The following IRF6 variants were observed in gnomAD, a reference collection of about 807,000 sequenced individuals.
The protein encoded by IRF6 is Van der Woude syndrome.
In IRF6, 6 loss-of-function variants were observed where a neutral mutation model predicts 51.4. The ratio of observed to expected loss-of-function variants is 0.12; its 90% confidence interval spans 0.06 to 0.23. IRF6 has a LOEUF of 0.23. IRF6 is among the 10% of genes least tolerant of loss of function. The pLI is 1.00. For synonymous variants in IRF6, 178 were observed against 215.7 expected (o/e 0.83, Z 1.53); for missense variants, 348 against 585.2 (o/e 0.59, Z 4.18).
In IRF6 at chr1:209,785,871, T is replaced by C. The variant is rs2077830214; in HGVS notation, c.*2549A>G. On this transcript the variant is annotated 3_prime_UTR_variant, in exon 9 of 9. Transcript: ENST00000367021. Reference sequence around the variant, plus strand: ...AATGATTATTCTGAGAGAGGAAGTATGGGGTGCTATGGGAACATACAACCA... The same window carrying C: ...AATGATTATTCTGAGAGAGGAAGTACGGGGTGCTATGGGAACATACAACCA... 1 of 152,166 alleles carries C rather than the reference T, an allele frequency of 6.6e-6. No homozygotes were observed. 9.4% of individuals were successfully genotyped at this position (152,166 alleles called of 1,614,324 possible).
At chr1:209,804,680 G>A (rs905108753) in intron 1 of IRF6, among the ~76,000 whole-genome samples, 1 of 152,172 alleles carries the variant, frequency 6.6e-6, no homozygotes, top group Non-Finnish European at 1.5e-5. Flanking sequence ...AGTGAGCATA[G>A]AGGAGGGACA....
chr1:209,792,637 C>T (rs2077876338), intron 5 of IRF6: 2 of 604,270 alleles, frequency 3.3e-6, no homozygotes, highest in African/African-American at 3.7e-5. Context: ...ATTTCTCCCA[C>T]AAATTCATAG....
rs750021967 is a variant in IRF6 at position 209,788,502 on chromosome 1, C to T, written c.1322G>A (p.Arg441His). 18 of 1,613,956 alleles carry T rather than the reference C, an allele frequency of 1.1e-5. No homozygotes were observed. The highest frequency in any genetic ancestry group is 1.6e-4 in the Middle Eastern group (1 of 6,074). Residue 441 changes from arginine (R) to histidine (H), a missense_variant, in exon 9 of 9, where the codon CGC (arginine) becomes CAC (histidine). Physicochemically the swap from Arg to His is conservative, Grantham distance 29. Around this residue, in one of 5 missense-constraint regions of IRF6, gnomAD observed 48 missense variants for 66.9 expected, o/e 0.72. Transcript: ENST00000367021. ...NIVAQLKQLY[R>H]ILQTQESWQP... ...CCAGCTCTCCTGGGTTTGAAGGATG[C>T]GGTACAGCTGCTTCAGCTGAGCAAC...
rs2077865502 is a variant in IRF6, at chr1:209,790,936, G to A, written c.668-49C>T. 1 of 1,610,668 alleles carries A rather than the reference G, an allele frequency of 6.2e-7. No individual in the cohort carries two copies. ...AGAGTCCTGCTTCACTGCTCTGCCT[G>A]TTCATCCCTGTGACTCATGCAAGTC... On this transcript the variant is annotated intron_variant, in intron 6 of 8. Coordinates refer to ENST00000367021, the MANE Select transcript of IRF6 (RefSeq NM_006147.4). This position sits in a 1 kb window ranked among gnomAD's most constrained non-coding sequence, Gnocchi z 4.8.
chr1:209,796,466 G>C lies in IRF6; in HGVS notation c.261C>G (p.Leu87=), dbSNP rs2077901967. ...TCAGGTTGAATTCTCTGCTCTTATT[G>C]AGAGCACAGCGCAGCTGGGCCTTCC... is the stretch of plus-strand genomic sequence containing the variant. ...AKWKAQLRCA[L]NKSREFNLMY... The change falls in exon 4 of 9, where the codon CTC becomes CTG. Residue 87 remains leucine, a synonymous_variant. Coordinates refer to ENST00000367021, the MANE Select transcript of IRF6 (RefSeq NM_006147.4). The surrounding 1 kb of genome is among the most constrained non-coding windows in gnomAD (Gnocchi z 4.5). 1 of 1,613,404 alleles carries C rather than the reference G, an allele frequency of 6.2e-7. No homozygotes were observed. Among genetic ancestry groups the C allele is most frequent in the African/African-American group, 1.3e-5 (1 of 74,886 alleles).
Position 209,788,240 on chromosome 1 carries a change from G to C in IRF6, c.*180C>G. 1 of 610,974 alleles carries C rather than the reference G, an allele frequency of 1.6e-6. No homozygotes were observed. Among genetic ancestry groups the C allele is most frequent in the South Asian group, 2.0e-5 (1 of 49,300 alleles). The allele number at this position is 610,974 out of a possible 1,614,324, so 37.8% of individuals were successfully genotyped here. Reference sequence around the variant, plus strand: ...AGGAGATTTGAAAAAGAAAAGCAAAGTCTGAAGGGTGATTTTTCCATAAAT... The same window carrying C: ...AGGAGATTTGAAAAAGAAAAGCAAACTCTGAAGGGTGATTTTTCCATAAAT... On this transcript the variant is annotated 3_prime_UTR_variant, in exon 9 of 9. Coordinates refer to ENST00000367021, the MANE Select transcript of IRF6 (RefSeq NM_006147.4).
intron 1 of IRF6, among the ~76,000 whole-genome samples, chr1:209,803,753 C>G (rs1469124615): frequency 6.6e-6 from 1 of 152,164 alleles, no homozygotes; most frequent in African/African-American, 2.4e-5. Flanking sequence ...ACCCAAATGG[C>G]CAAGACAGAA....
Position 209,788,507 on chromosome 1 carries a change from C to T in IRF6, c.1317G>A (p.Leu439=), listed in dbSNP as rs1177814255. The part of the protein sequence containing the change: ...KDNIVAQLKQ[L]YRILQTQESW... ...TCTCCTGGGTTTGAAGGATGCGGTA[C>T]AGCTGCTTCAGCTGAGCAACGATGT... The change falls in exon 9 of 9, where the codon CTG becomes CTA. Residue 439 remains leucine (L), a synonymous_variant. Transcript: ENST00000367021. 6.2e-7 allele frequency: 1 copy of T among 1,614,038 alleles called. No individual in the cohort carries two copies. The highest frequency in any genetic ancestry group is 1.3e-5 in the African/African-American group (1 of 74,908).
At chr1:209,800,524 AGGAG>A (rs2077934241) in intron 3 of IRF6, among the ~76,000 whole-genome samples, 1 of 152,194 alleles carries the variant, frequency 6.6e-6, no homozygotes, top group South Asian at 2.1e-4. Flanking sequence ...TGGGAGGCTA[AGGAG>A]GGAGGATCAC....
At chr1:209,801,034 C>T (rs2077937764) in intron 3 of IRF6, among the ~76,000 whole-genome samples, 1 of 152,046 alleles carries the variant, frequency 6.6e-6, no homozygotes, top group South Asian at 2.1e-4. Context: ...TGAGTGAGTA[C>T]CTTCAATGAG....
At position 209,790,901 on chromosome 1, in the gene IRF6, G is replaced by T; in HGVS notation, c.668-14C>A. ...CCAGGTCAGTCACTGCAAGGTTAGA[G>T]ATGACAGTGAGAGTCCTGCTTCACT... On this transcript the variant is annotated splice_polypyrimidine_tract_variant and intron_variant, in intron 6 of 8. Transcript: ENST00000367021. This position sits in a 1 kb window ranked among gnomAD's most constrained non-coding sequence, Gnocchi z 4.8. 1.2e-6 allele frequency: 2 copies of T among 1,612,240 alleles called. No individual in the cohort carries two copies. Among genetic ancestry groups the T allele is most frequent in the Non-Finnish European group, 1.7e-6 (2 of 1,180,028 alleles).
At chr1:209,803,454 C>T (rs1344738221) in intron 1 of IRF6, among the ~76,000 whole-genome samples, 1 of 152,136 alleles carries the variant, frequency 6.6e-6, no homozygotes, top group Non-Finnish European at 1.5e-5. Flanking sequence ...GGCAATCAGG[C>T]CAAGACCAGG....
intron 3 of IRF6, among the ~76,000 whole-genome samples, chr1:209,799,457 A>G (rs1333030176): frequency 6.6e-6 from 1 of 152,212 alleles, no homozygotes; most frequent in East Asian, 1.9e-4. Context: ...GATAATGGAC[A>G]CAGACACCCA....
chr1:209,786,710 T>C lies in IRF6; in HGVS notation c.*1710A>G, dbSNP rs2077836423. 6.6e-6 allele frequency: 1 copy of C among 151,972 alleles called. No individual in the cohort carries two copies. Among genetic ancestry groups the C allele is most frequent in the East Asian group, 1.9e-4 (1 of 5,200 alleles). 9.4% of individuals were successfully genotyped at this position (151,972 alleles called of 1,614,324 possible). A position where few individuals can be genotyped will look rare whatever the true frequency, so the allele number is the denominator to read the frequency against. On this transcript the variant is annotated 3_prime_UTR_variant, in exon 9 of 9. Transcript: ENST00000367021. ...CTTAATCTTTTCATGCTTTTCATAA[T>C]AGCAAATTCCACTAGGTCTCTTAGA...
At position 209,792,317 on chromosome 1, in the gene IRF6, T is replaced by C. The variant is rs866518271; in HGVS notation, c.619A>G (p.Ile207Val). Residue 207 changes from isoleucine to valine, a missense_variant, in exon 6 of 9, where the codon ATA (isoleucine) becomes GTA (valine). By Grantham distance (29) the Ile-to-Val change is conservative. Coordinates refer to ENST00000367021, the MANE Select transcript of IRF6 (RefSeq NM_006147.4). ...TCTGGAGAGCTATAGAAGGGCTGTA[T>C]AGGTGCCTGGGGTACTTCCATCTCC... ...PLEMEVPQAP[I>V]QPFYSSPELW... 1.9e-6 allele frequency: 3 copies of C among 1,614,206 alleles called. No homozygotes were observed. The highest frequency in any genetic ancestry group is 3.3e-4 in the Middle Eastern group (2 of 6,062).
At position 209,789,703 on chromosome 1, in the gene IRF6, A is replaced by G. The variant is rs370669894; in HGVS notation, c.1143T>C (p.Asp381=). The change falls in exon 8 of 9, where the codon GAT becomes GAC. Residue 381 remains aspartate (D), a synonymous_variant. Transcript: ENST00000367021. ...TGAGTTTCCTTTCCAATGGTTTCCC[A>G]TCTGGCCATTCTTCCCCAAAGCATA... The part of the protein sequence containing the change: ...IYLCFGEEWP[D]GKPLERKLIL... 3.7e-6 allele frequency: 6 copies of G among 1,613,960 alleles called. No individual in the cohort carries two copies. The highest frequency in any genetic ancestry group is 5.1e-6 in the Non-Finnish European group (6 of 1,179,816).
rs143421196 is a variant in IRF6 at position 209,788,755 on chromosome 1, T to A, written c.1180-111A>T. The A allele has an allele frequency of 1.0e-4, 78 of 779,134 alleles. No homozygotes were observed. In the African/African-American group the frequency reaches 1.2e-3, roughly 12 times the overall value. The allele number at this position is 779,134 out of a possible 1,614,324, so 48.3% of individuals were successfully genotyped here. A position where few individuals can be genotyped will look rare whatever the true frequency, so the allele number is the denominator to read the frequency against. On this transcript the variant is annotated intron_variant, in intron 8 of 8. Transcript: ENST00000367021. ...CAAAGAGGCCCTGAGGAAGACCCCA[T>A]TCTGATGTCTAAATATAGGATATGC...
At position 209,792,210 on chromosome 1, in the gene IRF6, C is replaced by G. The variant is rs1470294942; in HGVS notation, c.667+59G>C. On this transcript the variant is annotated intron_variant, in intron 6 of 8. Transcript: ENST00000367021. ...AAAGAAATGAAGTTAGAAAGCAGGACAGGAAAGAGTCTATAATAGAAGCAG... is the reference window on the plus strand; with the variant it reads ...AAAGAAATGAAGTTAGAAAGCAGGAGAGGAAAGAGTCTATAATAGAAGCAG... The G allele has an allele frequency of 3.3e-6, 5 of 1,537,972 alleles. No homozygotes were observed. In the East Asian group the frequency reaches 6.8e-5, roughly 21 times the overall value.
intron 3 of IRF6, among the ~76,000 whole-genome samples, chr1:209,797,572 C>A (rs139148287): frequency 0.011 from 1,663 of 152,144 alleles, 26 homozygotes; most frequent in African/African-American, 0.038. Flanking sequence ...TGGCTGGCAG[C>A]ACGGACTAAA....
Sources: gnomAD v4.1 joint callset for allele counts (sites outside exome capture counted in the v4.1 genomes callset) on GRCh38, gnomAD v4.1.1 for gene constraint, gnomAD v4.1.1 regional missense constraint, Gnocchi (gnomAD v3.1) non-coding constraint, MANE v1.5 for transcripts, NCBI Gene and HGNC (gene_info 2026-07-23, HGNC 2026-07-21) for gene names.